MYO9A: variants seen among roughly 807,000 people sequenced by gnomAD.
MYO9A encodes myosin IXA, also known as unconventional myosin-IXa.
Under a neutral mutation model 293.3 loss-of-function variants are expected in MYO9A, and 103 were observed. The observed-to-expected ratio is 0.35, with a 90% CI of 0.30 to 0.41. The LOEUF is 0.41. Ranked by LOEUF, MYO9A falls within the 10% of genes least tolerant of loss-of-function variation. The pLI, the probability that MYO9A is intolerant of heterozygous loss-of-function variation, is 1.00. For missense variants in MYO9A, 2,685 were observed against 3,033.0 expected, an observed-to-expected ratio of 0.89 and a Z score of 2.69; for synonymous variants, 1,001 against 1,035.7, an observed-to-expected ratio of 0.97 and a Z score of 0.64.
chr15:71,878,393 C>T (rs1306108590), intron 30 of MYO9A, among the ~76,000 whole-genome samples, 162 bp from the exon 31 acceptor site: 6 of 152,128 alleles, frequency 3.9e-5, no homozygotes, highest in African/African-American at 1.4e-4. Context: ...TTGTAAACTC[C>T]CATTCTAGTA....
intron 1 of MYO9A, among the ~76,000 whole-genome samples, chr15:72,074,950 C>CTTTTTT (rs1567012010): frequency 2.8e-5 from 2 of 71,662 alleles, no homozygotes; most frequent in African/African-American, 9.9e-5. Context: ...ATTTTCACTG[C>CTTTTTT]CTTTTTTTTT....
At chr15:72,051,537 C>T (rs1242356405) in intron 1 of MYO9A, among the ~76,000 whole-genome samples, 3 of 152,106 alleles carry the variant, frequency 2.0e-5, no homozygotes, top group African/African-American at 7.2e-5. Context: ...TCTCAGAGGC[C>T]CAGGAAGGCC....
intron 37 of MYO9A, among the ~76,000 whole-genome samples, chr15:71,850,937 T>C (rs566241120): frequency 1.2e-4 from 18 of 152,064 alleles, no homozygotes; most frequent in Non-Finnish European, 2.2e-4. Flanking sequence ...GAACCCCTCA[T>C]ATGAATTAGG....
In MYO9A at chr15:71,965,373, G is replaced by GA. The variant is rs1241085842; in HGVS notation, c.1986+2610dup. ...TCTTTTTCCTTAGAAAAATATTGAA[G>GA]AAAAAAATCTACAATTATGATGGTG... is the stretch of plus-strand genomic sequence containing the variant. On this transcript the variant is annotated intron_variant, in intron 13 of 41. Coordinates refer to ENST00000356056, the MANE Select transcript of MYO9A (RefSeq NM_006901.4). Among the ~76,000 whole-genome samples, 9 of 151,954 alleles carry GA rather than the reference G, an allele frequency of 5.9e-5. No homozygotes were observed. In the South Asian group the frequency reaches 6.2e-4, roughly 11 times the overall value.
intron 32 of MYO9A, among the ~76,000 whole-genome samples, chr15:71,863,364 T>G (rs949109741): frequency 1.1e-4 from 17 of 152,146 alleles, no homozygotes; most frequent in Non-Finnish European, 2.4e-4. Context: ...CTGAAAAAAA[T>G]TTAAAGTATA....
intron 39 of MYO9A, among the ~76,000 whole-genome samples, chr15:71,843,725 C>T (rs1023185522): frequency 2.6e-5 from 4 of 152,128 alleles, no homozygotes; most frequent in African/African-American, 9.7e-5. Flanking sequence ...TCAAGTGATC[C>T]GCCCGCCTCG....
chr15:71,878,056 T>C lies in MYO9A; in HGVS notation c.5915A>G (p.Asp1972Gly), dbSNP rs1299554412. ...CACATTTACCTTTGTGGCTGTGCAA[T>C]CTGAAGTCTTGAATTCATTCATATA... ...DEYMNEFKTS[D>G]CTATKVPKTE... is the part of the protein sequence containing the mutation. The change falls in exon 31 of 42, where the codon GAT (aspartate) becomes GGT (glycine). Residue 1972 changes from aspartate (D) to glycine (G), a missense_variant. Coordinates refer to ENST00000356056, the MANE Select transcript of MYO9A (RefSeq NM_006901.4). 2 of 1,601,548 alleles carry C rather than the reference T, an allele frequency of 1.2e-6. No individual in the cohort carries two copies. The highest frequency in any genetic ancestry group is 8.5e-7 in the Non-Finnish European group (1 of 1,175,988).
At chr15:72,047,923 A>T (rs931743838) in intron 1 of MYO9A, among the ~76,000 whole-genome samples, 3 of 151,216 alleles carry the variant, frequency 2.0e-5, no homozygotes, top group Non-Finnish European at 4.4e-5. Context: ...GGTGTGCGCC[A>T]CCTTGCCTGG....
chr15:72,044,071 T>C (rs1380979744), intron 2 of MYO9A, among the ~76,000 whole-genome samples: 4 of 152,050 alleles, frequency 2.6e-5, no homozygotes, highest in African/African-American at 7.2e-5. Context: ...ACAATACTTA[T>C]CATTTTTTGT....
rs183165201 is a variant in MYO9A, at chr15:72,015,301, G to A, written c.1155+3738C>T. On this transcript the variant is annotated intron_variant, in intron 6 of 41. Coordinates refer to ENST00000356056, the MANE Select transcript of MYO9A (RefSeq NM_006901.4). ...ACAAACTGACAGATGGGTTTTGGCA[G>A]TAGGAATCTTTATACTGCAAAAATA... Among the ~76,000 whole-genome samples, 1,303 of 152,274 alleles carry A rather than the reference G, an allele frequency of 8.6e-3. 11 individuals carry two copies. The highest frequency in any genetic ancestry group is 0.012 in the Non-Finnish European group (805 of 68,008).
chr15:72,083,898 G>A (rs573467021), intron 1 of MYO9A, among the ~76,000 whole-genome samples: 1 of 152,314 alleles, frequency 6.6e-6, no homozygotes, highest in Admixed American at 6.5e-5. Context: ...TGCATTTGCA[G>A]AGAAACATGT....
chr15:71,868,926 A>G (rs1377288653), intron 32 of MYO9A, among the ~76,000 whole-genome samples: 1 of 152,206 alleles, frequency 6.6e-6, no homozygotes, highest in African/African-American at 2.4e-5. Context: ...CTTTTATTCA[A>G]TAGTTCTACT....
Position 71,826,980 on chromosome 15 carries a change from C to T in MYO9A, c.7247G>A (p.Arg2416Gln), listed in dbSNP as rs765535109. 22 of 1,613,164 alleles carry T rather than the reference C, an allele frequency of 1.4e-5. No homozygotes were observed. The highest frequency in any genetic ancestry group is 1.3e-4 in the East Asian group (6 of 44,888). Reference protein sequence around the residue: ...AGKSEPSSKLRKQLKKQQDSL... With the variant: ...AGKSEPSSKLQKQLKKQQDSL... ...GTCTTGCTGCTTTTTAAGTTGCTTT[C>T]GCAACTTGCTGGAAGGTTCAGACTT... Residue 2416 changes from arginine (R) to glutamine (Q), a missense_variant, in exon 42 of 42, where the codon CGA becomes CAA. This residue lies in a region of MYO9A where 350 missense variants were observed against 328.9 expected (regional missense o/e 1.06). Coordinates refer to ENST00000356056, the MANE Select transcript of MYO9A (RefSeq NM_006901.4).
chr15:72,072,767 A>G (rs2079233528), intron 1 of MYO9A, among the ~76,000 whole-genome samples: 1 of 152,152 alleles, frequency 6.6e-6, no homozygotes, highest in Non-Finnish European at 1.5e-5. Flanking sequence ...GGGAGGAGGG[A>G]AAGTCTGAAA....
chr15:71,907,203 T>C (rs971117619), intron 19 of MYO9A, among the ~76,000 whole-genome samples: 17 of 151,374 alleles, frequency 1.1e-4, no homozygotes, highest in Non-Finnish European at 2.1e-4. Context: ...GTTTGGTTTT[T>C]TGTTTTTGCG....
At chr15:71,939,893 T>C (rs2058732158) in intron 15 of MYO9A, among the ~76,000 whole-genome samples, 3 of 152,278 alleles carry the variant, frequency 2.0e-5, no homozygotes, top group South Asian at 4.1e-4. Context: ...AAAAAACTGA[T>C]TCGACTAATA....
intron 19 of MYO9A, 89 bp downstream of exon 19, chr15:71,916,280 CA>C: frequency 3.6e-6 from 5 of 1,400,150 alleles, no homozygotes; most frequent in Non-Finnish European, 4.8e-6. Flanking sequence ...ATTAAAATCC[CA>C]TTCAAGTACC....
In MYO9A at chr15:71,999,843, C is replaced by T; in HGVS notation, c.1470+8G>A. The T allele has an allele frequency of 6.2e-7, 1 of 1,608,410 alleles. No individual in the cohort carries two copies. Among genetic ancestry groups the T allele is most frequent in the Middle Eastern group, 1.7e-4 (1 of 6,044 alleles). On this transcript the variant is annotated splice_region_variant and intron_variant, in intron 9 of 41. Transcript: ENST00000356056. The stretch of plus-strand genomic sequence containing the variant: ...GAATGCTTTCATTTCAAAGAAAATC[C>T]ATCATACCTCTGCCAACTTGTATGG...
intron 2 of MYO9A, among the ~76,000 whole-genome samples, chr15:72,044,377 G>A (rs1167998108): frequency 6.6e-6 from 1 of 150,986 alleles, no homozygotes; most frequent in Non-Finnish European, 1.5e-5. Flanking sequence ...TTGCACTCCA[G>A]CCTGGCAAGA....
Sources: allele counts gnomAD v4.1 joint callset (sites outside exome capture counted in the v4.1 genomes callset), GRCh38; gene constraint gnomAD v4.1.1; regional missense constraint gnomAD v4.1.1; transcripts MANE v1.5; gene names NCBI Gene and HGNC (gene_info 2026-07-23, HGNC 2026-07-21).